The following HVCN1 variants were observed in gnomAD, a reference collection of about 807,000 sequenced individuals.
HVCN1 encodes hydrogen voltage gated channel 1, also known as voltage-gated hydrogen channel 1.
A neutral mutation model predicts 29.2 loss-of-function variants in HVCN1; 14 were observed. The ratio of observed to expected loss-of-function variants is 0.48; its 90% CI spans 0.32 to 0.75. The LOEUF is 0.75. HVCN1 is among the 30% of genes least tolerant of loss of function. The pLI, the probability that HVCN1 is intolerant of heterozygous loss-of-function variation, is 0.04. For missense variants in HVCN1, 263 were observed against 341.8 expected, an observed-to-expected ratio of 0.77 and a Z score of 1.82; for synonymous variants, 131 against 133.2, an observed-to-expected ratio of 0.98 and a Z score of 0.11.
intron 5 of HVCN1, among the ~76,000 whole-genome samples, chr12:110,652,890 G>T (rs1018659073): frequency 1.3e-5 from 2 of 152,260 alleles, no homozygotes; most frequent in Admixed American, 6.5e-5. Flanking sequence ...AATGCCCCTG[G>T]CCAGTGGAGC....
Position 110,659,374 on chromosome 12 carries a change from G to A in HVCN1, c.306+1790C>T, listed in dbSNP as rs1007328815. ...CCCTGGAATAAAGTCAGCGATGGAA[G>A]AGGCAAGGGCTACATTTCTCTGCTT... On this transcript the variant is annotated intron_variant, in intron 4 of 7. Coordinates refer to ENST00000242607, the MANE Select transcript of HVCN1 (RefSeq NM_032369.4). Among the ~76,000 whole-genome samples the A allele has an allele frequency of 3.9e-5, 6 of 152,314 alleles. No individual in the cohort carries two copies. In the South Asian group the frequency reaches 8.3e-4, roughly 21 times the overall value.
chr12:110,655,160 C>T (rs965765267), intron 5 of HVCN1, 74 bp downstream of exon 5: 4 of 1,133,196 alleles, frequency 3.5e-6, no homozygotes, highest in Non-Finnish European at 5.4e-6. Context: ...AGCTGCTCCA[C>T]TCTGCACCCC....
intron 3 of HVCN1, among the ~76,000 whole-genome samples, chr12:110,665,439 C>T: frequency 6.6e-6 from 1 of 151,620 alleles, no homozygotes; most frequent in South Asian, 2.1e-4. Flanking sequence ...TTCTGTAATC[C>T]CAGCTACTTG....
At chr12:110,669,171 C>T (rs755124762) in intron 3 of HVCN1, among the ~76,000 whole-genome samples, 9 of 152,142 alleles carry the variant, frequency 5.9e-5, no homozygotes, top group African/African-American at 1.9e-4. Flanking sequence ...CCCTAGGGCA[C>T]GCTGTCACTT....
intron 3 of HVCN1, among the ~76,000 whole-genome samples, chr12:110,679,650 G>A (rs1179961455): frequency 1.3e-5 from 2 of 151,976 alleles, no homozygotes; most frequent in Non-Finnish European, 1.5e-5. Context: ...TCAGGAGATC[G>A]AGACCATCCT....
At chr12:110,679,793 C>A (rs1354449933) in intron 3 of HVCN1, among the ~76,000 whole-genome samples, 3 of 151,100 alleles carry the variant, frequency 2.0e-5, no homozygotes, top group African/African-American at 7.3e-5. Context: ...GCGGAGCTTG[C>A]AGTGAGCCGA....
At chr12:110,677,398 G>T (rs1341010601) in intron 3 of HVCN1, among the ~76,000 whole-genome samples, 1 of 152,148 alleles carries the variant, frequency 6.6e-6, no homozygotes, top group African/African-American at 2.4e-5. Context: ...TGCGTAGAAT[G>T]TGCAACCCCC....
At chr12:110,664,905 AG>A in intron 3 of HVCN1, among the ~76,000 whole-genome samples, 1 of 152,340 alleles carries the variant, frequency 6.6e-6, no homozygotes, top group East Asian at 1.9e-4. Context: ...GAAATTACAT[AG>A]GACTGGGTTG....
upstream of HVCN1, among the ~76,000 whole-genome samples, chr12:110,693,339 T>A (rs181181993): frequency 6.8e-3 from 1,034 of 151,586 alleles, 1 homozygote; most frequent in Non-Finnish European, 9.3e-3. Flanking sequence ...AGGTCAGGAG[T>A]TTAAGACCAG....
At chr12:110,681,244 G>A (rs1252409925) in intron 3 of HVCN1, among the ~76,000 whole-genome samples, 1 of 152,132 alleles carries the variant, frequency 6.6e-6, no homozygotes, top group Non-Finnish European at 1.5e-5. Flanking sequence ...ATAAAATAAG[G>A]TGCACGCATA....
intron 5 of HVCN1, among the ~76,000 whole-genome samples, chr12:110,654,471 C>CTTT (rs1199046571): frequency 2.7e-5 from 3 of 112,578 alleles, no homozygotes; most frequent in Admixed American, 1.0e-4. Flanking sequence ...GGGGGAAATG[C>CTTT]TTTTTTTTTT....
At chr12:110,695,880 C>A (rs926528008) in intron 2 of HVCN1, among the ~76,000 whole-genome samples, 2 of 151,842 alleles carry the variant, frequency 1.3e-5, no homozygotes, top group African/African-American at 4.8e-5. Flanking sequence ...GGCCGGAGGC[C>A]CACAGAAGGG....
intron 2 of HVCN1, among the ~76,000 whole-genome samples, chr12:110,701,799 G>A (rs1184386478): frequency 6.6e-6 from 1 of 151,512 alleles, no homozygotes; most frequent in Non-Finnish European, 1.5e-5. Flanking sequence ...GAAGGTTGCA[G>A]TGAGCTGAGA....
chr12:110,689,092 C>G lies in HVCN1; in HGVS notation c.-116G>C, dbSNP rs2069320976. ...CCCGAGCACTTACCCGGCGCCCCAC[C>G]CGCCCGCGGTCACCGCTGCGACTGG... On this transcript the variant is annotated 5_prime_UTR_variant, in exon 1 of 8. Transcript: ENST00000242607. This position sits in a 1 kb window ranked among gnomAD's most constrained non-coding sequence, Gnocchi z 5.7. 1 of 152,768 alleles carries G rather than the reference C, an allele frequency of 6.5e-6. No individual in the cohort carries two copies. The highest frequency in any genetic ancestry group is 2.4e-5 in the African/African-American group (1 of 41,426). 9.5% of individuals were successfully genotyped at this position (152,768 alleles called of 1,614,324 possible).
intron 1 of HVCN1, among the ~76,000 whole-genome samples, chr12:110,703,207 CAAAA>C (rs758737358): frequency 5.7e-4 from 56 of 98,750 alleles, no homozygotes; most frequent in African/African-American, 1.5e-3. Flanking sequence ...ATGTCTCTAC[CAAAA>C]AAAAAAAAAA....
At position 110,649,027 on chromosome 12, in the gene HVCN1, T is replaced by C. The variant is rs763814942; in HGVS notation, c.*383A>G. On this transcript the variant is annotated 3_prime_UTR_variant, in exon 8 of 8. Transcript: ENST00000242607. The stretch of plus-strand genomic sequence containing the variant: ...ATGGGGTGGCAGCTAAAGTAGCTTC[T>C]TTTTCTTTCTTTCAGAATGCTCAGA... 6.2e-6 allele frequency: 3 copies of C among 485,964 alleles called. No individual in the cohort carries two copies. Among genetic ancestry groups the C allele is most frequent in the South Asian group, 4.8e-5 (3 of 62,452 alleles). 30.1% of individuals were successfully genotyped at this position (485,964 alleles called of 1,614,324 possible). A position where few individuals can be genotyped will look rare whatever the true frequency, so the allele number is the denominator to read the frequency against.
intron 3 of HVCN1, among the ~76,000 whole-genome samples, chr12:110,680,988 A>G (rs527962393): frequency 2.6e-5 from 4 of 152,302 alleles, no homozygotes; most frequent in South Asian, 4.1e-4. Context: ...TTACCACTAT[A>G]TGCGTCAGAT....
chr12:110,679,442 C>A (rs1421846679), intron 3 of HVCN1, among the ~76,000 whole-genome samples: 1 of 152,224 alleles, frequency 6.6e-6, no homozygotes, highest in East Asian at 1.9e-4. Context: ...GAGCCAGCAG[C>A]TCCCATGTCT....
chr12:110,653,773 C>T (rs1009061794), intron 5 of HVCN1, among the ~76,000 whole-genome samples: 1 of 151,374 alleles, frequency 6.6e-6, no homozygotes, highest in Non-Finnish European at 1.5e-5. Context: ...ACTCAGGAGG[C>T]GGACGTTGCA....
Sources: allele counts gnomAD v4.1 joint callset (sites outside exome capture counted in the v4.1 genomes callset), GRCh38; gene constraint gnomAD v4.1.1; non-coding constraint Gnocchi (gnomAD v3.1); transcripts MANE v1.5; gene names NCBI Gene and HGNC (gene_info 2026-07-23, HGNC 2026-07-21).